Variants in PALM2AKAP2 observed in about 807,000 individuals in gnomAD.
PALM2AKAP2 encodes the protein PALM2 and AKAP2 fusion.
PALM2AKAP2 carries 37 observed loss-of-function variants against 71.5 expected under a neutral mutation model. That is an observed-to-expected ratio of 0.52 (90% CI 0.40 to 0.68). The LOEUF (loss-of-function observed/expected upper bound fraction) is 0.68. Ranked by LOEUF, PALM2AKAP2 falls within the 30% of genes least tolerant of loss-of-function variation. The pLI, the probability that PALM2AKAP2 is intolerant of heterozygous loss-of-function variation, is 0.00. For synonymous variants in PALM2AKAP2, 468 were observed against 478.8 expected (o/e 0.98, Z 0.29); for missense variants, 1,224 against 1,191.8 (o/e 1.03, Z -0.40).
At chr9:110,015,912 T>G (rs1564261348) in intron 6 of PALM2AKAP2, 42 bp from the exon 7 acceptor site, 2 of 1,544,330 alleles carry the variant, frequency 1.3e-6, no homozygotes, top group Non-Finnish European at 1.8e-6. Flanking sequence ...CCATGTCAGC[T>G]GAATGACTTG....
chr9:110,101,138 G>A (rs1034988984), intron 1 of PALM2AKAP2, among the ~76,000 whole-genome samples: 10 of 152,128 alleles, frequency 6.6e-5, no homozygotes, highest in African/African-American at 2.2e-4. Context: ...ATGCATCTGG[G>A]GTCCGTTGCA....
chr9:109,812,421 C>T (rs1402950943), intron 1 of PALM2AKAP2, among the ~76,000 whole-genome samples: 1 of 152,090 alleles, frequency 6.6e-6, no homozygotes, highest in African/African-American at 2.4e-5. Context: ...AAACTCTTTG[C>T]ACCACAGTCT....
exon 2 of PALM2AKAP2, chr9:110,136,633 T>C: frequency 6.2e-7 from 1 of 1,613,984 alleles, no homozygotes; most frequent in East Asian, 2.2e-5. Context: ...AAAGAACAAA[T>C]GGCCATTCCC....
chr9:109,772,332 G>A (rs992154456), intron 1 of PALM2AKAP2, among the ~76,000 whole-genome samples: 16 of 152,074 alleles, frequency 1.1e-4, no homozygotes, highest in African/African-American at 3.9e-4. Flanking sequence ...TCAAGCAGCC[G>A]CCTTTGTGTC....
intron 1 of PALM2AKAP2, among the ~76,000 whole-genome samples, chr9:110,110,240 C>T (rs917464656): frequency 6.6e-6 from 1 of 152,024 alleles, no homozygotes; most frequent in African/African-American, 2.4e-5. Flanking sequence ...AATAAATAGT[C>T]CGAGGGACAT....
rs549053112 is a variant in PALM2AKAP2 at position 109,824,900 on chromosome 9, G to T, written c.46-42591G>T. 2.6e-5 allele frequency among the ~76,000 whole-genome samples: 4 copies of T among 152,346 alleles called. No homozygotes were observed. In the South Asian group the frequency reaches 8.3e-4, roughly 32 times the overall value. ...TTGCTGTTAACGATGTCATGTTTAA[G>T]TAAGGAAAGAAGGTTTTGATATTCC... On this transcript the variant is annotated intron_variant, in intron 1 of 9. Transcript: ENST00000302798.
At chr9:109,913,642 G>A (rs566964613) in intron 3 of PALM2AKAP2, among the ~76,000 whole-genome samples, 5 of 152,144 alleles carry the variant, frequency 3.3e-5, no homozygotes, top group South Asian at 2.1e-4. Flanking sequence ...AATTCTAAGA[G>A]CATTCCTTCA....
chr9:109,760,077 A>G (rs1023674099), intron 1 of PALM2AKAP2, among the ~76,000 whole-genome samples: 2 of 152,140 alleles, frequency 1.3e-5, no homozygotes, highest in Non-Finnish European at 2.9e-5. Flanking sequence ...CTCAGCCCCT[A>G]TTGATCACTG....
chr9:110,044,894 G>C (rs1183666005), upstream of PALM2AKAP2, among the ~76,000 whole-genome samples: 1 of 152,048 alleles, frequency 6.6e-6, no homozygotes, highest in East Asian at 1.9e-4. Context: ...TCTAAGTTTG[G>C]GGGCATGTGT....
intron 1 of PALM2AKAP2, among the ~76,000 whole-genome samples, chr9:109,755,446 C>T (rs1036602505): frequency 6.6e-6 from 1 of 152,076 alleles, no homozygotes. Context: ...ACCTCTTCTC[C>T]CTCATCTTTG....
chr9:109,825,616 C>T (rs1828126623), intron 1 of PALM2AKAP2, among the ~76,000 whole-genome samples: 1 of 152,214 alleles, frequency 6.6e-6, no homozygotes, highest in East Asian at 1.9e-4. Context: ...TGAAAAAATG[C>T]TCATCATCAC....
At chr9:109,673,559 G>A (rs1180383118) in intron 1 of PALM2AKAP2, among the ~76,000 whole-genome samples, 1 of 152,036 alleles carries the variant, frequency 6.6e-6, no homozygotes, top group Non-Finnish European at 1.5e-5. Context: ...GCAATGAGAG[G>A]AATATATATT....
At chr9:110,056,413 A>G (rs1833842648) in intron 1 of PALM2AKAP2, among the ~76,000 whole-genome samples, 1 of 152,208 alleles carries the variant, frequency 6.6e-6, no homozygotes, top group African/African-American at 2.4e-5. Flanking sequence ...GGTTGGAGGA[A>G]TGACTTTCCC....
At chr9:110,125,442 T>G in intron 1 of PALM2AKAP2, 3 of 944,180 alleles carry the variant, frequency 3.2e-6, no homozygotes, top group Non-Finnish European at 3.8e-6. Context: ...TGAATGGCCT[T>G]TTAGGGAGCA....
At chr9:109,929,661 G>A (rs1351152850) in intron 5 of PALM2AKAP2, among the ~76,000 whole-genome samples, 3 of 151,800 alleles carry the variant, frequency 2.0e-5, no homozygotes, top group African/African-American at 7.3e-5. Flanking sequence ...TCAGGAGATC[G>A]AGACCATCCT....
chr9:110,126,869 T>C (rs1588123761), intron 1 of PALM2AKAP2, among the ~76,000 whole-genome samples: 1 of 152,220 alleles, frequency 6.6e-6, no homozygotes, highest in African/African-American at 2.4e-5. Flanking sequence ...CACTGACTTT[T>C]CAGCAGGGCT....
intron 1 of PALM2AKAP2, among the ~76,000 whole-genome samples, chr9:109,690,315 A>G (rs1040129526): frequency 6.6e-6 from 1 of 152,238 alleles, no homozygotes; most frequent in Non-Finnish European, 1.5e-5. Flanking sequence ...TTATGAAGTT[A>G]GAGGAATAAA....
chr9:110,152,390 A>T (rs1056754986), intron 2 of PALM2AKAP2, among the ~76,000 whole-genome samples: 2 of 152,148 alleles, frequency 1.3e-5, no homozygotes, highest in African/African-American at 4.8e-5. Context: ...AGTTTGAGGG[A>T]GTAAGCAAAG....
intron 1 of PALM2AKAP2, among the ~76,000 whole-genome samples, chr9:109,784,892 G>A (rs968360828): frequency 2.7e-5 from 4 of 150,776 alleles, no homozygotes; most frequent in African/African-American, 9.7e-5. Context: ...GACAAGCCAG[G>A]AGGCCTACCT....
Sources: gnomAD v4.1 joint callset for allele counts (sites outside exome capture counted in the v4.1 genomes callset) on GRCh38, gnomAD v4.1.1 for gene constraint, MANE v1.5 for transcripts, NCBI Gene and HGNC (gene_info 2026-07-23, HGNC 2026-07-21) for gene names.